Variants in PLCH1 observed in about 807,000 individuals in gnomAD.
PLCH1 encodes phospholipase C eta 1, also known as 1-phosphatidylinositol 4,5-bisphosphate phosphodiesterase eta-1.
A neutral mutation model predicts 126.7 loss-of-function variants in PLCH1; 60 were observed. The observed-to-expected ratio is 0.47, with a 90% CI of 0.38 to 0.59. The LOEUF (loss-of-function observed/expected upper bound fraction) is 0.59. Among genes scored for constraint, PLCH1 ranks in the 20% least tolerant of loss-of-function variants. The probability of loss-of-function intolerance (pLI) is 0.00; values close to 1 mark genes in which losing one functional copy is unlikely to be tolerated. For missense variants in PLCH1, 1,723 were observed against 2,040.0 expected (o/e 0.84, Z 2.99); for synonymous variants, 719 against 734.9 (o/e 0.98, Z 0.35).
intron 21 of PLCH1, chr3:155,486,045 A>G: frequency 1.3e-6 from 1 of 750,630 alleles, no homozygotes; most frequent in Non-Finnish European, 2.2e-6. Flanking sequence ...GCATGTTTCA[A>G]AGTGGTAAGC....
chr3:155,525,459 T>C (rs1266162245), intron 10 of PLCH1, among the ~76,000 whole-genome samples: 2 of 152,136 alleles, frequency 1.3e-5, no homozygotes, highest in African/African-American at 4.8e-5. Context: ...CTTCCCAGCA[T>C]CTAGATCCAC....
chr3:155,522,381 A>G (rs1222805548), intron 11 of PLCH1, among the ~76,000 whole-genome samples: 1 of 152,252 alleles, frequency 6.6e-6, no homozygotes, highest in Non-Finnish European at 1.5e-5. Flanking sequence ...TTCTGTAACC[A>G]TAGCCCTATT....
chr3:155,472,360 C>G (rs1264713708), intron 21 of PLCH1, among the ~76,000 whole-genome samples: 1 of 152,166 alleles, frequency 6.6e-6, no homozygotes, highest in South Asian at 2.1e-4. Context: ...CACATACACC[C>G]TCCCAAGACT....
intron 21 of PLCH1, among the ~76,000 whole-genome samples, chr3:155,458,409 G>A (rs866002557): frequency 2.0e-4 from 9 of 45,442 alleles, no homozygotes; most frequent in African/African-American, 1.4e-3. Flanking sequence ...AAGGAAGGAA[G>A]GAAGGAAGGA....
chr3:155,502,080 C>T (rs1198466536), intron 13 of PLCH1, among the ~76,000 whole-genome samples: 1 of 152,152 alleles, frequency 6.6e-6, no homozygotes, highest in African/African-American at 2.4e-5. Context: ...ATTTCAGTGA[C>T]AGTAAGATGC....
intron 6 of PLCH1, among the ~76,000 whole-genome samples, chr3:155,581,393 A>C (rs1730651309): frequency 6.6e-6 from 1 of 152,204 alleles, no homozygotes; most frequent in African/African-American, 2.4e-5. Context: ...AAAGCAAATG[A>C]CCCAAATTTC....
intron 21 of PLCH1, among the ~76,000 whole-genome samples, chr3:155,461,486 GTAC>G (rs1712723283): frequency 6.6e-6 from 1 of 152,084 alleles, no homozygotes; most frequent in African/African-American, 2.4e-5. Context: ...GAAGAAAATG[GTAC>G]TTTTAAGAAA....
At chr3:155,541,832 T>A (rs593304) in intron 10 of PLCH1, among the ~76,000 whole-genome samples, 123,127 of 151,584 alleles carry the variant, frequency 0.81, 51,803 homozygotes, top group Middle Eastern at 0.95. Flanking sequence ...ACACACACAC[T>A]CACACAAAAT....
At chr3:155,696,810 T>C (rs866443906) in intron 2 of PLCH1, among the ~76,000 whole-genome samples, 3 of 152,364 alleles carry the variant, frequency 2.0e-5, no homozygotes, top group African/African-American at 2.4e-5. Flanking sequence ...AGGGCCTTTC[T>C]GCCTGGCTGG....
chr3:155,637,326 C>T (rs1420623875), intron 2 of PLCH1, among the ~76,000 whole-genome samples: 1 of 152,200 alleles, frequency 6.6e-6, no homozygotes, highest in African/African-American at 2.4e-5. Context: ...TTAACTTTGG[C>T]CAGCCCCTGG....
chr3:155,559,274 T>C (rs533128331), intron 8 of PLCH1, among the ~76,000 whole-genome samples: 8 of 152,064 alleles, frequency 5.3e-5, no homozygotes, highest in Non-Finnish European at 8.8e-5. Flanking sequence ...TATTCCCTCT[T>C]TCTTGGTGGT....
At chr3:155,655,431 G>A (rs60927988) in intron 2 of PLCH1, among the ~76,000 whole-genome samples, 25,710 of 141,430 alleles carry the variant, frequency 0.18, 2,570 homozygotes, top group East Asian at 0.46. Context: ...AAACTTGTGA[G>A]AAAAAAAAAA....
chr3:155,492,937 CA>C (rs1298687659), intron 17 of PLCH1, 84 bp from the exon 18 acceptor site: 1 of 1,121,290 alleles, frequency 8.9e-7, no homozygotes, highest in Non-Finnish European at 1.2e-6. Flanking sequence ...AAGAAACAAA[CA>C]AACAAAAACA....
At chr3:155,685,431 C>A (rs969816518) in intron 2 of PLCH1, among the ~76,000 whole-genome samples, 1 of 152,104 alleles carries the variant, frequency 6.6e-6, no homozygotes, top group African/African-American at 2.4e-5. Flanking sequence ...AGAGAGAGAG[C>A]AACTGTGGTA....
chr3:155,718,463 C>A (rs774922226), intron 1 of PLCH1, among the ~76,000 whole-genome samples: 1 of 152,136 alleles, frequency 6.6e-6, no homozygotes, highest in South Asian at 2.1e-4. Context: ...TCTTGCATTG[C>A]TATAAAGAAA....
At chr3:155,700,054 C>T (rs1368458056) in intron 2 of PLCH1, among the ~76,000 whole-genome samples, 3 of 152,282 alleles carry the variant, frequency 2.0e-5, no homozygotes, top group South Asian at 4.1e-4. Flanking sequence ...CACCTTGCTG[C>T]TATAAGGGAA....
In PLCH1 at chr3:155,513,774, A is replaced by G. The variant is rs1719929863; in HGVS notation, c.1632+949T>C. On this transcript the variant is annotated intron_variant, in intron 12 of 22. Coordinates refer to ENST00000460012, the MANE Select transcript of PLCH1 (RefSeq NM_014996.4). The stretch of plus-strand genomic sequence containing the variant: ...CAGTTTGAGAGGAGCTAACCTTGAC[A>G]AGAGCTTCAGAGGTAAGTTCTCACT... 4.6e-5 allele frequency among the ~76,000 whole-genome samples: 7 copies of G among 152,290 alleles called. No homozygotes were observed. The South Asian group carries it at 1.2e-3, about 27-fold the overall frequency.
At chr3:155,680,331 C>A (rs948800510) in intron 2 of PLCH1, among the ~76,000 whole-genome samples, 1 of 151,842 alleles carries the variant, frequency 6.6e-6, no homozygotes, top group Non-Finnish European at 1.5e-5. Flanking sequence ...TGCAGTGAGC[C>A]GAGATCATGC....
chr3:155,710,716 G>A (rs1249864843), intron 1 of PLCH1, among the ~76,000 whole-genome samples: 2 of 151,522 alleles, frequency 1.3e-5, no homozygotes, highest in African/African-American at 2.4e-5. Context: ...ACCTGTAATC[G>A]CAGCTACTCA....
Sources: allele counts gnomAD v4.1 joint callset (sites outside exome capture counted in the v4.1 genomes callset), GRCh38; gene constraint gnomAD v4.1.1; transcripts MANE v1.5; gene names NCBI Gene and HGNC (gene_info 2026-07-23, HGNC 2026-07-21).